RIMS1: variants seen among roughly 807,000 people sequenced by gnomAD.
RIMS1 encodes the protein regulating synaptic membrane exocytosis protein 1.
A neutral mutation model predicts 214.1 loss-of-function variants in RIMS1; 83 were observed. The ratio of observed to expected loss-of-function variants is 0.39; its 90% confidence interval spans 0.32 to 0.47. The LOEUF is 0.47. Among genes scored for constraint, RIMS1 ranks in the 20% least tolerant of loss-of-function variants. The pLI is 0.99. For missense variants in RIMS1, 2,050 were observed against 2,161.8 expected, an observed-to-expected ratio of 0.95 and a Z score of 1.03; for synonymous variants, 793 against 786.8, an observed-to-expected ratio of 1.01 and a Z score of -0.13.
chr6:72,140,561 A>G (rs2041962693), intron 4 of RIMS1, among the ~76,000 whole-genome samples: 1 of 152,060 alleles, frequency 6.6e-6, no homozygotes, highest in African/African-American at 2.4e-5. Context: ...TTAAAACTTA[A>G]CACCTTCCAC....
rs183967531 is a variant in RIMS1, at chr6:72,151,433, A to G, written c.472-28142A>G. On this transcript the variant is annotated intron_variant, in intron 4 of 33. Transcript: ENST00000521978. Reference sequence around the variant, plus strand: ...CTGAGTCTTAAAATTATAAAGAAGAAATCTTGAGAGGGTTTCTGATTTTTC... The same window carrying G: ...CTGAGTCTTAAAATTATAAAGAAGAGATCTTGAGAGGGTTTCTGATTTTTC... Among the ~76,000 whole-genome samples the G allele has an allele frequency of 3.2e-3, 489 of 152,312 alleles. 2 individuals are homozygous for G. The highest frequency in any genetic ancestry group is 5.3e-3 in the Non-Finnish European group (359 of 68,030).
At chr6:72,382,387 A>C (rs569746293) in intron 29 of RIMS1, among the ~76,000 whole-genome samples, 2 of 152,336 alleles carry the variant, frequency 1.3e-5, no homozygotes, top group East Asian at 3.9e-4. Flanking sequence ...TTCCAACTAT[A>C]TGGTTACCAC....
In RIMS1 at chr6:72,397,401, A is replaced by G. The variant is rs183114951; in HGVS notation, c.4619-848A>G. 3.0e-3 allele frequency among the ~76,000 whole-genome samples: 457 copies of G among 152,352 alleles called. 1 individual carries two copies. The highest frequency in any genetic ancestry group is 9.4e-3 in the African/African-American group (392 of 41,582). On this transcript the variant is annotated intron_variant, in intron 31 of 33. Transcript: ENST00000521978. ...GTTTTAACCAGATTGGCAAAAATTAAGCATTTTTTTGATACTGATATTAGA... is the reference window on the plus strand; with the variant it reads ...GTTTTAACCAGATTGGCAAAAATTAGGCATTTTTTTGATACTGATATTAGA...
intron 1 of RIMS1, 68 bp downstream of exon 1, chr6:71,887,255 C>G: frequency 6.5e-7 from 1 of 1,539,694 alleles, no homozygotes; most frequent in South Asian, 1.2e-5. Context: ...ACTCACTCCC[C>G]TAGTCCTCGC....
intron 2 of RIMS1, among the ~76,000 whole-genome samples, chr6:72,025,621 C>G (rs1303303693): frequency 6.6e-6 from 1 of 152,094 alleles, no homozygotes; most frequent in African/African-American, 2.4e-5. Flanking sequence ...AGTAGAACTC[C>G]CAGTTGAGTT....
At position 72,159,821 on chromosome 6, in the gene RIMS1, T is replaced by C. The variant is rs559453122; in HGVS notation, c.472-19754T>C. 4.5e-4 allele frequency among the ~76,000 whole-genome samples: 63 copies of C among 140,022 alleles called. 3 individuals carry two copies. Among genetic ancestry groups the C allele is most frequent in the Middle Eastern group, 3.5e-3 (1 of 282 alleles). The allele number at this position is 140,022 out of a possible 152,430, so 91.9% of individuals were successfully genotyped here. On this transcript the variant is annotated intron_variant, in intron 4 of 33. Coordinates refer to ENST00000521978, the MANE Select transcript of RIMS1 (RefSeq NM_014989.7). ...TGAAGTATAGTTTGAAGTCAGGTAG[T>C]GTGATGTCTCCAGCTTTGTTCTTTT...
rs899135241 is a variant in RIMS1, at chr6:71,939,592, G to A, written c.165-29391G>A. 2.0e-5 allele frequency among the ~76,000 whole-genome samples: 3 copies of A among 152,318 alleles called. No individual in the cohort carries two copies. In the South Asian group the frequency reaches 6.2e-4, roughly 32 times the overall value. On this transcript the variant is annotated intron_variant, in intron 1 of 33. Coordinates refer to ENST00000521978, the MANE Select transcript of RIMS1 (RefSeq NM_014989.7). ...CTGGGAATTTCAAGATGGAGGGGCTGCATCTGGTTAAGGGCCTTCCTGCTG... is the reference window on the plus strand; with the variant it reads ...CTGGGAATTTCAAGATGGAGGGGCTACATCTGGTTAAGGGCCTTCCTGCTG...
Position 71,886,624 on chromosome 6 carries a change from CCCCAG to C in RIMS1, c.-396_-392del, listed in dbSNP as rs1271923722. 1 of 150,880 alleles carries C rather than the reference CCCCAG, an allele frequency of 6.6e-6. No homozygotes were observed. Among genetic ancestry groups the C allele is most frequent in the Non-Finnish European group, 1.5e-5 (1 of 66,996 alleles). 9.3% of individuals were successfully genotyped at this position (150,880 alleles called of 1,614,324 possible). A position where few individuals can be genotyped will look rare whatever the true frequency, so the allele number is the denominator to read the frequency against. ...GCCCCAGTCCCAGCCCCAGCCCCAG[CCCCAG>C]CCCCGCCCCCGCCCCGCGCCCCGCC... On this transcript the variant is annotated 5_prime_UTR_variant, in exon 1 of 34. Coordinates refer to ENST00000521978, the MANE Select transcript of RIMS1 (RefSeq NM_014989.7).
At chr6:72,271,292 T>A (rs1405685310) in intron 22 of RIMS1, among the ~76,000 whole-genome samples, 1 of 15,326 alleles carries the variant, frequency 6.5e-5, no homozygotes, top group African/African-American at 2.6e-4. Context: ...AAAAAATATA[T>A]ATATATATAT....
In RIMS1 at chr6:72,346,419, C is replaced by T. The variant is rs573854634; in HGVS notation, c.4366+12584C>T. On this transcript the variant is annotated intron_variant, in intron 29 of 33. Transcript: ENST00000521978. ...CTCAAAGTTCCTCAAGTCAAGTCCA[C>T]CTTTGAGGATCTGGTGAAATCTGTT... Among the ~76,000 whole-genome samples, 10 of 151,916 alleles carry T rather than the reference C, an allele frequency of 6.6e-5. No homozygotes were observed. In the East Asian group the frequency reaches 1.6e-3, roughly 24 times the overall value.
chr6:71,922,950 C>T (rs1780460545), intron 1 of RIMS1, among the ~76,000 whole-genome samples: 1 of 151,912 alleles, frequency 6.6e-6, no homozygotes, highest in Non-Finnish European at 1.5e-5. Context: ...GGTGTACATG[C>T]TCCATAAAAA....
chr6:72,016,682 C>T (rs1177278953), intron 2 of RIMS1, among the ~76,000 whole-genome samples: 2 of 152,026 alleles, frequency 1.3e-5, no homozygotes, highest in Non-Finnish European at 2.9e-5. Flanking sequence ...TTTGAAGGCC[C>T]TTATTTTTTA....
intron 4 of RIMS1, among the ~76,000 whole-genome samples, chr6:72,107,671 C>T (rs537443830): frequency 6.6e-6 from 1 of 152,250 alleles, no homozygotes; most frequent in East Asian, 1.9e-4. Flanking sequence ...CAATTAAAAA[C>T]AATGGAACTG....
chr6:72,036,074 T>C (rs1038669650), intron 2 of RIMS1, among the ~76,000 whole-genome samples: 3 of 152,156 alleles, frequency 2.0e-5, no homozygotes, highest in African/African-American at 7.2e-5. Context: ...AATACTCAAA[T>C]TCATAAAATT....
chr6:72,058,217 T>G (rs1263771953), intron 2 of RIMS1, among the ~76,000 whole-genome samples: 1 of 152,244 alleles, frequency 6.6e-6, no homozygotes, highest in Non-Finnish European at 1.5e-5. Flanking sequence ...TCCCAGAACT[T>G]ACCTTACTTT....
intron 3 of RIMS1, among the ~76,000 whole-genome samples, chr6:72,099,276 C>G (rs560245554): frequency 9.2e-5 from 14 of 152,186 alleles, no homozygotes; most frequent in South Asian, 2.1e-4. Context: ...TTGGAGAGGA[C>G]ACTCACGCCT....
rs564284813 is a variant in RIMS1 at position 72,400,995 on chromosome 6, G to A, written c.*281G>A. The A allele has an allele frequency of 7.8e-5, 29 of 373,566 alleles. No homozygotes were observed. The highest frequency in any genetic ancestry group is 1.2e-4 in the Non-Finnish European group (24 of 200,652). 23.1% of individuals were successfully genotyped at this position (373,566 alleles called of 1,614,324 possible). On this transcript the variant is annotated 3_prime_UTR_variant, in exon 34 of 34. Transcript: ENST00000521978. ...GGAAACTTTAAATCCACGCATACAC[G>A]TACACACACACATGCACACACACAC...
intron 4 of RIMS1, among the ~76,000 whole-genome samples, chr6:72,142,186 G>GA (rs542882254): frequency 4.5e-4 from 67 of 150,404 alleles, no homozygotes; most frequent in Middle Eastern, 3.4e-3. Flanking sequence ...TCTTCTGGCA[G>GA]AAAAAAAAAT....
At chr6:72,354,401 T>A (rs1487416305) in intron 29 of RIMS1, among the ~76,000 whole-genome samples, 1 of 152,144 alleles carries the variant, frequency 6.6e-6, no homozygotes, top group Non-Finnish European at 1.5e-5. Flanking sequence ...AATTTTTGTA[T>A]GTACATAAAA....
Sources: allele counts gnomAD v4.1 joint callset (sites outside exome capture counted in the v4.1 genomes callset), GRCh38; gene constraint gnomAD v4.1.1; transcripts MANE v1.5; gene names NCBI Gene and HGNC (gene_info 2026-07-23, HGNC 2026-07-21).